Variants in CRYBG1 observed in about 807,000 individuals in gnomAD.
CRYBG1 encodes beta/gamma crystallin domain-containing protein 1.
In CRYBG1, 139 loss-of-function variants were observed where a neutral mutation model predicts 189.2. The ratio of observed to expected loss-of-function variants is 0.73; its 90% CI spans 0.64 to 0.85. The LOEUF (loss-of-function observed/expected upper bound fraction) is 0.85. CRYBG1 is among the 40% of genes least tolerant of loss of function. The pLI is 0.00. For missense variants in CRYBG1, 2,611 were observed against 2,675.8 expected (o/e 0.98, Z 0.53); for synonymous variants, 1,023 against 1,017.1 (o/e 1.01, Z -0.11).
chr6:106,549,736 G>A (rs190763405), intron 13 of CRYBG1, among the ~76,000 whole-genome samples: 166 of 152,244 alleles, frequency 1.1e-3, no homozygotes, highest in Non-Finnish European at 2.1e-3. Flanking sequence ...GGGAGTGAGT[G>A]CACAGATGTT....
intron 1 of CRYBG1, among the ~76,000 whole-genome samples, chr6:106,404,997 C>A (rs374417051): frequency 3.3e-5 from 5 of 149,904 alleles, no homozygotes; most frequent in East Asian, 3.9e-4. Context: ...TTTTTTTTTT[C>A]ATACCCCAGT....
chr6:106,394,948 C>T (rs1363627108), intron 1 of CRYBG1, among the ~76,000 whole-genome samples: 1 of 151,322 alleles, frequency 6.6e-6, no homozygotes, highest in African/African-American at 2.4e-5. Context: ...CTCTGCCTCC[C>T]GGGTTCAAGT....
chr6:106,517,383 TAC>T (rs1196299978), intron 3 of CRYBG1, among the ~76,000 whole-genome samples: 4 of 53,292 alleles, frequency 7.5e-5, no homozygotes, highest in Non-Finnish European at 1.5e-4. Context: ...CACACACATA[TAC>T]ACACATATAT....
In CRYBG1 at chr6:106,512,492, G is replaced by A. The variant is rs1186856960; in HGVS notation, c.1375G>A (p.Asp459Asn). ...CGAGGTGGCGCCAAACGCGGCCAGC[G>A]ATAACGCCTCGGCGGAAAAGAAAGT... ...DDEVAPNAAS[D>N]NASAEKKVKS... is the part of the protein sequence containing the mutation. The change falls in exon 3 of 22, where the codon GAT (aspartate) becomes AAT (asparagine). Residue 459 changes from aspartate (D) to asparagine (N), a missense_variant. By Grantham distance (23) the Asp-to-Asn change is conservative. Coordinates refer to ENST00000633556, the MANE Select transcript of CRYBG1 (RefSeq NM_001371242.2). 1.2e-6 allele frequency: 2 copies of A among 1,611,416 alleles called. No homozygotes were observed. Among genetic ancestry groups the A allele is most frequent in the Admixed American group, 1.7e-5 (1 of 59,856 alleles).
intron 1 of CRYBG1, among the ~76,000 whole-genome samples, chr6:106,362,478 T>C (rs539294656): frequency 6.6e-6 from 1 of 152,186 alleles, no homozygotes; most frequent in South Asian, 2.1e-4. Context: ...GGAGGCTTCC[T>C]GGAGGAGGAT....
At chr6:106,433,772 T>TAC (rs1771395977) in intron 1 of CRYBG1, among the ~76,000 whole-genome samples, 2 of 32,800 alleles carry the variant, frequency 6.1e-5, no homozygotes, top group African/African-American at 2.8e-4. Context: ...TATATATATA[T>TAC]GTATATATAT....
chr6:106,388,133 C>A (rs932880816), intron 1 of CRYBG1, among the ~76,000 whole-genome samples: 18 of 152,166 alleles, frequency 1.2e-4, no homozygotes, highest in African/African-American at 4.1e-4. Flanking sequence ...ATGAACCTGG[C>A]TTGTGCTACG....
chr6:106,373,408 A>G (rs902686138), intron 1 of CRYBG1, among the ~76,000 whole-genome samples: 2 of 152,224 alleles, frequency 1.3e-5, no homozygotes, highest in African/African-American at 2.4e-5. Flanking sequence ...CACTCTGCAT[A>G]AAGGTCACAG....
At chr6:106,485,829 T>C (rs1312397166) in intron 2 of CRYBG1, among the ~76,000 whole-genome samples, 1 of 152,240 alleles carries the variant, frequency 6.6e-6, no homozygotes, top group Non-Finnish European at 1.5e-5. Flanking sequence ...CACTTGATCA[T>C]AGTGGATGAT....
chr6:106,560,957 A>C, intron 19 of CRYBG1, 31 bp downstream of exon 19: 1 of 1,532,106 alleles, frequency 6.5e-7, no homozygotes, highest in South Asian at 1.2e-5. Context: ...CTCTGCATAG[A>C]CTCTTCTCTG....
intron 1 of CRYBG1, among the ~76,000 whole-genome samples, chr6:106,416,928 T>G (rs1771032001): frequency 6.6e-6 from 1 of 152,042 alleles, no homozygotes; most frequent in Non-Finnish European, 1.5e-5. Context: ...AGCTGATTTC[T>G]GTGTTTCTTG....
At chr6:106,385,399 G>A (rs1319341632) in intron 1 of CRYBG1, among the ~76,000 whole-genome samples, 1 of 152,192 alleles carries the variant, frequency 6.6e-6, no homozygotes, top group Non-Finnish European at 1.5e-5. Flanking sequence ...ACAGTGCATA[G>A]CCTCACATTC....
chr6:106,455,713 A>G (rs1405012746), intron 2 of CRYBG1, among the ~76,000 whole-genome samples: 4 of 152,202 alleles, frequency 2.6e-5, no homozygotes, highest in Non-Finnish European at 5.9e-5. Flanking sequence ...CTCACATTCA[A>G]ACAAGTAAAA....
intron 1 of CRYBG1, among the ~76,000 whole-genome samples, chr6:106,396,599 G>C (rs894073457): frequency 6.6e-6 from 1 of 152,180 alleles, no homozygotes; most frequent in African/African-American, 2.4e-5. Context: ...CAAGTTTAAT[G>C]GTTTTGCTTC....
intron 1 of CRYBG1, among the ~76,000 whole-genome samples, chr6:106,397,634 A>G (rs1770639173): frequency 6.6e-6 from 1 of 152,198 alleles, no homozygotes; most frequent in Non-Finnish European, 1.5e-5. Context: ...AGTAGTCAGC[A>G]CATTATTCCC....
At chr6:106,436,423 C>T (rs991564697) in intron 1 of CRYBG1, among the ~76,000 whole-genome samples, 3 of 152,078 alleles carry the variant, frequency 2.0e-5, no homozygotes, top group Admixed American at 6.6e-5. Context: ...CTCAGCCTCC[C>T]GAGTTGCTGG....
Position 106,528,593 on chromosome 6 carries a change from T to C in CRYBG1, c.4578+1123T>C, listed in dbSNP as rs113723878. Among the ~76,000 whole-genome samples, 729 of 152,252 alleles carry C rather than the reference T, an allele frequency of 4.8e-3. 9 individuals are homozygous for C. The highest frequency in any genetic ancestry group is 0.017 in the African/African-American group (701 of 41,522). Reference sequence around the variant, plus strand: ...TCTCTTTATACCACTTTCCTGAAAATCACACTCCCCTTGGTAACATCTTTG... The same window carrying C: ...TCTCTTTATACCACTTTCCTGAAAACCACACTCCCCTTGGTAACATCTTTG... On this transcript the variant is annotated intron_variant, in intron 7 of 21. Coordinates refer to ENST00000633556, the MANE Select transcript of CRYBG1 (RefSeq NM_001371242.2).
chr6:106,416,140 G>A (rs1217482969), intron 1 of CRYBG1, among the ~76,000 whole-genome samples: 4 of 152,148 alleles, frequency 2.6e-5, no homozygotes, highest in African/African-American at 9.7e-5. Context: ...CTGGCAGGAA[G>A]CCAGCACTAC....
Position 106,361,205 on chromosome 6 carries a change from G to A in CRYBG1, c.173+124G>A, listed in dbSNP as rs760285029. ...AAAGCCCCGGGGTCTGTTTCAGTCC[G>A]CAGGAGGGTACCCGGGTCCGGAGGG... is the stretch of plus-strand genomic sequence containing the variant. On this transcript the variant is annotated intron_variant, in intron 1 of 21. Coordinates refer to ENST00000633556, the MANE Select transcript of CRYBG1 (RefSeq NM_001371242.2). 1.3e-5 allele frequency: 15 copies of A among 1,198,196 alleles called. No individual in the cohort carries two copies. In the South Asian group the frequency reaches 2.3e-4, roughly 19 times the overall value. The allele number at this position is 1,198,196 out of a possible 1,614,324, so 74.2% of individuals were successfully genotyped here.
Sources: gnomAD v4.1 joint callset for allele counts (sites outside exome capture counted in the v4.1 genomes callset) on GRCh38, gnomAD v4.1.1 for gene constraint, MANE v1.5 for transcripts, NCBI Gene and HGNC (gene_info 2026-07-23, HGNC 2026-07-21) for gene names.